Variants in ARHGAP6 observed in about 807,000 individuals in gnomAD.
ARHGAP6 encodes rho GTPase-activating protein 6.
A neutral mutation model predicts 55.7 loss-of-function variants in ARHGAP6; 16 were observed. The ratio of observed to expected loss-of-function variants is 0.29; its 90% CI spans 0.19 to 0.44. The LOEUF is 0.44. Among genes scored for constraint, ARHGAP6 ranks in the 20% least tolerant of loss-of-function variants. ARHGAP6 has a pLI of 1.00. For missense variants in ARHGAP6, 698 were observed against 808.9 expected (o/e 0.86, Z 1.66); for synonymous variants, 382 against 360.9 (o/e 1.06, Z -0.66).
intron 1 of ARHGAP6, among the ~76,000 whole-genome samples, chrX:11,257,603 C>T (rs994284509): frequency 8.9e-6 from 1 of 112,171 alleles, no homozygotes; most frequent in Non-Finnish European, 1.9e-5. Context: ...TTTACTAAGT[C>T]CTCCTGGTTA....
chrX:11,419,795 AG>A, intron 1 of ARHGAP6, among the ~76,000 whole-genome samples: 1 of 112,593 alleles, frequency 8.9e-6, no homozygotes, highest in East Asian at 2.8e-4. Context: ...AACTGCAGAA[AG>A]GGGTCATTCA....
At chrX:11,224,397 TG>T in intron 2 of ARHGAP6, 1 of 593,104 alleles carries the variant, frequency 1.7e-6, no homozygotes, top group Non-Finnish European at 2.1e-6. Context: ...CAGGTAGTAA[TG>T]GTTCATGCAG....
At chrX:11,307,175 G>A (rs902822148) in intron 1 of ARHGAP6, among the ~76,000 whole-genome samples, 7 of 110,496 alleles carry the variant, frequency 6.3e-5, no homozygotes, top group Non-Finnish European at 1.3e-4. Flanking sequence ...CCAGGCCTTG[G>A]CCCTCCGCTA....
chrX:11,571,547 G>C (rs868465383), intron 1 of ARHGAP6, among the ~76,000 whole-genome samples: 2 of 109,476 alleles, frequency 1.8e-5, no homozygotes, highest in African/African-American at 6.7e-5. Context: ...GGGTGGGCCT[G>C]CTCTAATCAC....
chrX:11,279,658 T>C (rs907251807), intron 1 of ARHGAP6, among the ~76,000 whole-genome samples: 104 of 102,265 alleles, frequency 1.0e-3, no homozygotes, highest in African/African-American at 3.4e-3. Flanking sequence ...CTTCCACCCC[T>C]CCATTTTTTT....
chrX:11,538,547 C>T lies in ARHGAP6; in HGVS notation c.588+125694G>A, dbSNP rs368256338. On this transcript the variant is annotated intron_variant, in intron 1 of 12. Transcript: ENST00000337414. ...CTTTATGCAGATTTCAGGAAGAACT[C>T]AATATTTTTATAATTTTTTTCTCAA... 1.2e-3 allele frequency among the ~76,000 whole-genome samples: 131 copies of T among 111,153 alleles called. 3 individuals carry two copies. In the South Asian group the frequency reaches 0.044, roughly 38 times the overall value.
intron 1 of ARHGAP6, among the ~76,000 whole-genome samples, chrX:11,391,153 T>C (rs888911602): frequency 8.0e-5 from 9 of 111,915 alleles, no homozygotes; most frequent in Admixed American, 1.9e-4. Context: ...GATGAGTTCA[T>C]GTCCTTTGTA....
chrX:11,228,568 T>A (rs1366774271), intron 2 of ARHGAP6, among the ~76,000 whole-genome samples: 1 of 111,797 alleles, frequency 8.9e-6, no homozygotes, highest in Non-Finnish European at 1.9e-5. Flanking sequence ...GTGAAGAAAG[T>A]CAACTTAAAA....
chrX:11,581,374 G>A (rs951047705), intron 1 of ARHGAP6, among the ~76,000 whole-genome samples: 1 of 111,841 alleles, frequency 8.9e-6, no homozygotes, highest in Non-Finnish European at 1.9e-5. Flanking sequence ...CAGTCTGACA[G>A]TTCCTCAAAT....
intron 1 of ARHGAP6, among the ~76,000 whole-genome samples, chrX:11,573,902 G>A (rs1379340229): frequency 9.0e-5 from 10 of 111,195 alleles, no homozygotes; most frequent in East Asian, 2.8e-4. Flanking sequence ...GGTCCTTCAC[G>A]TCCCTTGTAA....
intron 1 of ARHGAP6, among the ~76,000 whole-genome samples, chrX:11,416,136 C>A (rs926884303): frequency 1.8e-5 from 2 of 111,558 alleles, no homozygotes; most frequent in East Asian, 5.6e-4. Context: ...CCCTCCCCCA[C>A]CTGCGGCAGC....
intron 1 of ARHGAP6, among the ~76,000 whole-genome samples, chrX:11,449,569 T>C (rs1232600159): frequency 1.8e-5 from 2 of 112,503 alleles, no homozygotes; most frequent in African/African-American, 6.5e-5. Context: ...TGGGCTACGC[T>C]GCCCCTGTAC....
chrX:11,522,529 C>T (rs1332005161), intron 1 of ARHGAP6, among the ~76,000 whole-genome samples: 5 of 110,404 alleles, frequency 4.5e-5, no homozygotes, highest in South Asian at 3.8e-4. Flanking sequence ...ATCAAATAGA[C>T]GCAATAAAAA....
intron 1 of ARHGAP6, among the ~76,000 whole-genome samples, chrX:11,510,693 A>T (rs1484713597): frequency 9.0e-6 from 1 of 111,415 alleles, no homozygotes; most frequent in Admixed American, 9.6e-5. Context: ...AGTGATAGTG[A>T]TGGCCGTTTT....
chrX:11,649,488 A>G (rs777577791), intron 1 of ARHGAP6, among the ~76,000 whole-genome samples: 1 of 111,632 alleles, frequency 9.0e-6, no homozygotes, highest in African/African-American at 3.2e-5. Context: ...AACTTGAATC[A>G]TCCCTTTTTC....
At chrX:11,295,828 T>C (rs17878486) in intron 1 of ARHGAP6, among the ~76,000 whole-genome samples, 19,184 of 111,107 alleles carry the variant, frequency 0.17, 1,689 homozygotes, top group Non-Finnish European at 0.26. Context: ...TCCCATGAAA[T>C]GTGAGCATTT....
chrX:11,581,373 A>T (rs918848252), intron 1 of ARHGAP6, among the ~76,000 whole-genome samples: 1 of 112,037 alleles, frequency 8.9e-6, no homozygotes, highest in Admixed American at 9.5e-5. Flanking sequence ...ACAGTCTGAC[A>T]GTTCCTCAAA....
At chrX:11,274,975 A>G (rs2047739245) in intron 1 of ARHGAP6, among the ~76,000 whole-genome samples, 1 of 111,907 alleles carries the variant, frequency 8.9e-6, no homozygotes, top group Admixed American at 9.5e-5. Context: ...AATCAGTAGC[A>G]TGGACTTTAG....
In ARHGAP6 at chrX:11,660,572, A is replaced by C. The variant is rs920344639; in HGVS notation, c.588+3669T>G. Among the ~76,000 whole-genome samples, 61 of 92,286 alleles carry C rather than the reference A, an allele frequency of 6.6e-4. 2 individuals are homozygous for C. The East Asian group carries it at 8.9e-3, about 13-fold the overall frequency. 80.1% of individuals were successfully genotyped at this position (92,286 alleles called of 115,157 possible). ...AAAAAAAAAAAAAAAAAAAAAAAAA[A>C]AAAAAACCCAACAGGTCTGATTTCT... On this transcript the variant is annotated intron_variant, in intron 1 of 12. Transcript: ENST00000337414.
Sources: allele counts gnomAD v4.1 joint callset (sites outside exome capture counted in the v4.1 genomes callset), GRCh38; gene constraint gnomAD v4.1.1; transcripts MANE v1.5; gene names NCBI Gene and HGNC (gene_info 2026-07-23, HGNC 2026-07-21).